The following MMS22L variants were observed in gnomAD, a reference collection of about 807,000 sequenced individuals.
MMS22L encodes the protein MMS22 like, DNA repair protein, also known as protein MMS22-like.
MMS22L carries 74 observed loss-of-function variants against 159.1 expected under a neutral mutation model. That is an observed-to-expected ratio of 0.47 (90% CI 0.39 to 0.56). The LOEUF (loss-of-function observed/expected upper bound fraction) is 0.56. MMS22L is among the 20% of genes least tolerant of loss of function. The pLI is 0.00. For missense variants in MMS22L, 1,351 were observed against 1,422.1 expected (o/e 0.95, Z 0.80); for synonymous variants, 517 against 506.9 (o/e 1.02, Z -0.27).
intron 14 of MMS22L, among the ~76,000 whole-genome samples, chr6:97,189,951 T>G (rs1175782605): frequency 1.3e-5 from 2 of 151,706 alleles, no homozygotes; most frequent in African/African-American, 2.4e-5. Flanking sequence ...ATGCCAAGAG[T>G]GCACTGTAAT....
intron 14 of MMS22L, among the ~76,000 whole-genome samples, chr6:97,199,641 C>T (rs1466292910): frequency 6.6e-6 from 1 of 151,944 alleles, no homozygotes; most frequent in African/African-American, 2.4e-5. Flanking sequence ...AAACTAGTGA[C>T]CATTGCCAAT....
intron 14 of MMS22L, among the ~76,000 whole-genome samples, chr6:97,198,748 C>CT (rs1170114726): frequency 6.6e-6 from 1 of 152,084 alleles, no homozygotes; most frequent in African/African-American, 2.4e-5. Flanking sequence ...TCCCAACAAT[C>CT]TAAGAAATTC....
chr6:97,270,961 C>G (rs1815671517), intron 6 of MMS22L: 1 of 151,978 alleles, frequency 6.6e-6, no homozygotes, highest in South Asian at 2.1e-4. Flanking sequence ...AAAAATATAA[C>G]TATCTAAAAA....
Position 97,165,676 on chromosome 6 carries a change from T to C in MMS22L, c.3010-219A>G, listed in dbSNP as rs76014556. Among the ~76,000 whole-genome samples, 114 of 152,228 alleles carry C rather than the reference T, an allele frequency of 7.5e-4. 2 individuals are homozygous for C. In the East Asian group the frequency reaches 0.02, roughly 27 times the overall value. The stretch of plus-strand genomic sequence containing the variant: ...TGGCATCTAACTAAGCATGTGTGTC[T>C]GAGGTGTGGACAAAGGAAGCAGGGG... On this transcript the variant is annotated intron_variant, in intron 20 of 24. Transcript: ENST00000683635.
At chr6:97,236,781 C>A (rs1811463705) in intron 11 of MMS22L, among the ~76,000 whole-genome samples, 1 of 152,034 alleles carries the variant, frequency 6.6e-6, no homozygotes, top group Non-Finnish European at 1.5e-5. Flanking sequence ...GAAACCCCGT[C>A]TCTACTAAAA....
intron 11 of MMS22L, 46 bp from the exon 12 acceptor site, chr6:97,234,026 A>T (rs1219754095): frequency 1.3e-6 from 2 of 1,576,234 alleles, no homozygotes; most frequent in African/African-American, 1.4e-5. Context: ...GGCTCTGGCA[A>T]TATAAACATT....
chr6:97,187,572 T>C (rs984263943), intron 14 of MMS22L, among the ~76,000 whole-genome samples: 2 of 152,132 alleles, frequency 1.3e-5, no homozygotes, highest in African/African-American at 4.8e-5. Flanking sequence ...TACATTTACA[T>C]TTGCATTTTT....
At chr6:97,189,357 C>G (rs1805607681) in intron 14 of MMS22L, among the ~76,000 whole-genome samples, 1 of 150,382 alleles carries the variant, frequency 6.6e-6, no homozygotes, top group African/African-American at 2.4e-5. Flanking sequence ...CTCAGGATTT[C>G]AAGACCAGCC....
intron 12 of MMS22L, among the ~76,000 whole-genome samples, chr6:97,233,051 A>G (rs1348477763): frequency 6.6e-6 from 1 of 150,778 alleles, no homozygotes; most frequent in Non-Finnish European, 1.5e-5. Flanking sequence ...TACCCAATTC[A>G]TTTACACCAC....
chr6:97,272,784 C>T lies in MMS22L; in HGVS notation c.526G>A (p.Gly176Arg). The change falls in exon 6 of 25, where the codon GGA (glycine) becomes AGA (arginine). Residue 176 changes from glycine (G) to arginine (R), a missense_variant. By Grantham distance (125) the Gly-to-Arg change is moderately radical. Transcript: ENST00000683635. ...LPSVLIDELH[G>R]LLLYIGHLSE... is the part of the protein sequence containing the mutation. Reference sequence around the variant, plus strand: ...AGGTGTCCAATATACAAGAGTAATCCATGAAGCTCATCAATCAACACTGAG... The same window carrying T: ...AGGTGTCCAATATACAAGAGTAATCTATGAAGCTCATCAATCAACACTGAG... 6.2e-7 allele frequency: 1 copy of T among 1,613,938 alleles called. No individual in the cohort carries two copies. The highest frequency in any genetic ancestry group is 1.1e-5 in the South Asian group (1 of 91,074).
chr6:97,241,323 T>A (rs1350476183), intron 11 of MMS22L, among the ~76,000 whole-genome samples: 1 of 152,234 alleles, frequency 6.6e-6, no homozygotes, highest in African/African-American at 2.4e-5. Flanking sequence ...CACCTAGCCA[T>A]GGCACTGATA....
At chr6:97,280,017 T>C (rs901229068) in intron 3 of MMS22L, among the ~76,000 whole-genome samples, 4 of 152,160 alleles carry the variant, frequency 2.6e-5, no homozygotes, top group East Asian at 1.9e-4. Context: ...AACCCATATT[T>C]ATAACCTATG....
At position 97,162,033 on chromosome 6, in the gene MMS22L, T is replaced by C. The variant is rs772328992; in HGVS notation, c.3354A>G (p.Leu1118=). The change falls in exon 22 of 25, where the codon TTA becomes TTG. Residue 1118 remains leucine (L), a synonymous_variant. Coordinates refer to ENST00000683635, the MANE Select transcript of MMS22L (RefSeq NM_001350599.2). ...GTTCACTGACTAACACCAAGCATTT[T>C]AAAATGCCAGGGAGGAGTAGTTCAA... ...YEVELLLPGI[L]KCLVLVSEPQ... is the part of the protein sequence containing the mutation. 1.2e-6 allele frequency: 2 copies of C among 1,611,272 alleles called. No individual in the cohort carries two copies. Among genetic ancestry groups the C allele is most frequent in the Non-Finnish European group, 1.7e-6 (2 of 1,178,808 alleles).
chr6:97,173,326 C>T, intron 18 of MMS22L, 104 bp from the exon 19 acceptor site: 4 of 999,940 alleles, frequency 4.0e-6, no homozygotes, highest in Non-Finnish European at 5.9e-6. Context: ...GCACCCATAC[C>T]CTTTACATTT....
chr6:97,178,547 A>G lies in MMS22L; in HGVS notation c.2575T>C (p.Leu859=). ...YMKQLVKLTR[L]LFNLSEVKSI... ...TTTACTTCTGAGAGATTAAATAGTA[A>G]TCTTGTCAGTTTGACCAACTGTTTC... The change falls in exon 18 of 25, where the codon TTA becomes CTA. Residue 859 remains leucine, a synonymous_variant. Coordinates refer to ENST00000683635, the MANE Select transcript of MMS22L (RefSeq NM_001350599.2). The G allele has an allele frequency of 6.4e-7, 1 of 1,565,026 alleles. No individual in the cohort carries two copies. Among genetic ancestry groups the G allele is most frequent in the Non-Finnish European group, 8.7e-7 (1 of 1,144,718 alleles).
chr6:97,214,501 A>G (rs2127955711), intron 14 of MMS22L, among the ~76,000 whole-genome samples: 1 of 152,304 alleles, frequency 6.6e-6, no homozygotes, highest in African/African-American at 2.4e-5. Flanking sequence ...ACAACAAAAT[A>G]TCAATAGTAG....
intron 8 of MMS22L, chr6:97,266,977 A>G (rs1452685416): frequency 6.6e-6 from 1 of 152,170 alleles, no homozygotes; most frequent in African/African-American, 2.4e-5. Context: ...AGAAGCATAG[A>G]TTTTAAGTGT....
chr6:97,163,802 A>G (rs970604098), intron 21 of MMS22L, among the ~76,000 whole-genome samples: 2 of 152,106 alleles, frequency 1.3e-5, no homozygotes, highest in Non-Finnish European at 2.9e-5. Context: ...GCCCAAAAAA[A>G]TGACATTTTA....
rs930194119 is a variant in MMS22L at position 97,165,523 on chromosome 6, C to T, written c.3010-66G>A. On this transcript the variant is annotated intron_variant, in intron 20 of 24. Coordinates refer to ENST00000683635, the MANE Select transcript of MMS22L (RefSeq NM_001350599.2). ...TCAAAGAACAAACAATATTTAGAAA[C>T]TCACTAATGAAGTCCCCAGCATTAA... The T allele has an allele frequency of 3.9e-5, 52 of 1,332,336 alleles. No individual in the cohort carries two copies. The African/African-American group carries it at 7.4e-4, about 19-fold the overall frequency. 82.5% of individuals were successfully genotyped at this position (1,332,336 alleles called of 1,614,324 possible).
Sources: allele counts gnomAD v4.1 joint callset (sites outside exome capture counted in the v4.1 genomes callset), GRCh38; gene constraint gnomAD v4.1.1; transcripts MANE v1.5; gene names NCBI Gene and HGNC (gene_info 2026-07-23, HGNC 2026-07-21).